Variants in DYSF observed in about 807,000 individuals in gnomAD.
The protein encoded by DYSF is dysferlin.
DYSF carries 212 observed loss-of-function variants against 274.9 expected under a neutral mutation model. The observed-to-expected ratio is 0.77, with a 90% CI of 0.69 to 0.86. The LOEUF (loss-of-function observed/expected upper bound fraction) is 0.86, where lower values mean the gene tolerates loss of function less well. DYSF is among the 40% of genes least tolerant of loss of function. The pLI is 0.00. For missense variants in DYSF, 2,666 were observed against 2,783.2 expected, an observed-to-expected ratio of 0.96 and a Z score of 0.95; for synonymous variants, 1,091 against 1,078.7, an observed-to-expected ratio of 1.01 and a Z score of -0.22.
chr2:71,600,503 A>G lies in DYSF; in HGVS notation c.3757-199A>G, dbSNP rs551147421. On this transcript the variant is annotated intron_variant, in intron 33 of 55. Coordinates refer to ENST00000410020, the MANE Select transcript of DYSF (RefSeq NM_001130987.2). ...ATGATGGGAATTCAAACCTAGTGAC[A>G]GTCACCACAGGCTGCTCACAGCTTG... is the stretch of plus-strand genomic sequence containing the variant. Among the ~76,000 whole-genome samples the G allele has an allele frequency of 3.3e-5, 5 of 152,356 alleles. No individual in the cohort carries two copies. In the East Asian group the frequency reaches 7.7e-4, roughly 24 times the overall value.
chr2:71,459,074 G>A (rs183281266), intron 1 of DYSF, among the ~76,000 whole-genome samples: 15 of 152,184 alleles, frequency 9.9e-5, no homozygotes, highest in Admixed American at 9.8e-4. Context: ...GATATCCGCC[G>A]GACACATATT....
chr2:71,550,390 A>T (rs2090846843), intron 17 of DYSF, among the ~76,000 whole-genome samples: 1 of 151,768 alleles, frequency 6.6e-6, no homozygotes, highest in Non-Finnish European at 1.5e-5. Context: ...CTGCTCTGTT[A>T]AAAAATTGTT....
intron 3 of DYSF, among the ~76,000 whole-genome samples, chr2:71,491,790 CG>C (rs2083877136): frequency 6.6e-6 from 1 of 152,170 alleles, no homozygotes; most frequent in Non-Finnish European, 1.5e-5. Context: ...ATATGTATCA[CG>C]TTTTCTTTAT....
chr2:71,561,411 C>A (rs910217795), intron 22 of DYSF, among the ~76,000 whole-genome samples: 4 of 152,260 alleles, frequency 2.6e-5, no homozygotes, highest in Admixed American at 1.3e-4. Context: ...CTGGGCCCTC[C>A]GAGAGCCTGT....
chr2:71,520,904 T>C lies in DYSF; in HGVS notation c.1149T>C (p.Pro383=). The C allele has an allele frequency of 6.2e-7, 1 of 1,613,932 alleles. No homozygotes were observed. The highest frequency in any genetic ancestry group is 1.3e-5 in the African/African-American group (1 of 75,042). ...LCVLGPGDEA[P]LERKDPSEDK... ...TGCTGGGGCCTGGGGACGAAGCGCC[T>C]GTGAGTACATTTCCCTGGGTCTTCC... The change falls in exon 12 of 56, where the codon CCT becomes CCC. Residue 383 remains proline, a splice_region_variant and synonymous_variant. Transcript: ENST00000410020.
At chr2:71,475,678 G>A (rs963685425) in intron 1 of DYSF, among the ~76,000 whole-genome samples, 1 of 152,134 alleles carries the variant, frequency 6.6e-6, no homozygotes, top group African/African-American at 2.4e-5. Flanking sequence ...GCACCTCAAC[G>A]TTCTATCTCG....
intron 42 of DYSF, among the ~76,000 whole-genome samples, chr2:71,647,853 G>A (rs1260935955): frequency 6.6e-6 from 1 of 152,228 alleles, no homozygotes; most frequent in African/African-American, 2.4e-5. Flanking sequence ...TCCTGAAAGT[G>A]AGGTTTCACC....
At chr2:71,610,707 A>G (rs1356508971) in intron 36 of DYSF, 1 of 189,328 alleles carries the variant, frequency 5.3e-6, no homozygotes. Flanking sequence ...TTCTGTCCTC[A>G]CAGGGGACAG....
rs560955002 is a variant in DYSF at position 71,670,802 on chromosome 2, C to T, written c.5784+1056C>T. On this transcript the variant is annotated intron_variant, in intron 51 of 55. Transcript: ENST00000410020. ...GAATGGGTGCTGAGGGCAGTGGAGA[C>T]TTCAGGGCTATGCTGGTTGGAGGCA... Among the ~76,000 whole-genome samples the T allele has an allele frequency of 1.7e-4, 26 of 152,328 alleles. No individual in the cohort carries two copies. The South Asian group carries it at 5.2e-3, about 30-fold the overall frequency.
At chr2:71,455,389 C>A (rs1341590092) in intron 1 of DYSF, among the ~76,000 whole-genome samples, 2 of 152,176 alleles carry the variant, frequency 1.3e-5, no homozygotes, top group Non-Finnish European at 1.5e-5. Context: ...GAGTGGGGAC[C>A]AAGGGGGTGG....
At chr2:71,470,690 A>G (rs1424698816) in intron 1 of DYSF, among the ~76,000 whole-genome samples, 4 of 148,840 alleles carry the variant, frequency 2.7e-5, no homozygotes, top group South Asian at 2.1e-4. Flanking sequence ...AAAAAAAAAA[A>G]AAAGAAAAGA....
At position 71,613,376 on chromosome 2, in the gene DYSF, A is replaced by G. The variant is rs61738567; in HGVS notation, c.4430A>G (p.Asp1477Gly). 1.4e-3 allele frequency: 2,198 copies of G among 1,613,582 alleles called. 27 individuals carry two copies. The African/African-American group carries it at 0.026, about 19-fold the overall frequency. The stretch of plus-strand genomic sequence containing the variant: ...AGTCCTGGGGAAGACGTGCTCATCG[A>G]CATTGATGACAAGGAGCCCCTCATC... ...LLSPGEDVLI[D>G]IDDKEPLIPI... The change falls in exon 40 of 56, where the codon GAC (aspartate) becomes GGC (glycine). Residue 1477 changes from aspartate (D) to glycine (G), a missense_variant. By Grantham distance (94) the Asp-to-Gly change is moderately conservative. Coordinates refer to ENST00000410020, the MANE Select transcript of DYSF (RefSeq NM_001130987.2).
intron 1 of DYSF, among the ~76,000 whole-genome samples, chr2:71,461,295 A>G (rs1467942185): frequency 3.3e-5 from 5 of 152,146 alleles, no homozygotes; most frequent in African/African-American, 1.2e-4. Flanking sequence ...ACCCGTCTAG[A>G]CCCCAGGATA....
Position 71,679,076 on chromosome 2 carries a change from C to T in DYSF, c.5904C>T (p.Leu1968=). The T allele has an allele frequency of 6.2e-7, 1 of 1,614,010 alleles. No homozygotes were observed. Among genetic ancestry groups the T allele is most frequent in the Non-Finnish European group, 8.5e-7 (1 of 1,179,910 alleles). The stretch of plus-strand genomic sequence containing the variant: ...TTGCAGGCTCCCTGCAGCTCGATCT[C>T]AACCGCATGCCCAAGCCAGCCAAGA... ...DDFLGSLQLD[L]NRMPKPAKTA... The change falls in exon 53 of 56, where the codon CTC becomes CTT. Residue 1968 remains leucine, a synonymous_variant. Coordinates refer to ENST00000410020, the MANE Select transcript of DYSF (RefSeq NM_001130987.2).
intron 4 of DYSF, among the ~76,000 whole-genome samples, chr2:71,507,614 C>T (rs187417142): frequency 2.6e-3 from 397 of 152,220 alleles, no homozygotes; most frequent in African/African-American, 9.2e-3. Flanking sequence ...CACGTGTGCG[C>T]GCACACACAC....
At chr2:71,581,228 C>T (rs2092885463) in intron 30 of DYSF, among the ~76,000 whole-genome samples, 1 of 152,242 alleles carries the variant, frequency 6.6e-6, no homozygotes, top group African/African-American at 2.4e-5. Context: ...ACGCTCGCGC[C>T]AGCCCACACG....
chr2:71,600,760 G>C lies in DYSF; in HGVS notation c.3815G>C (p.Arg1272Pro). ...CAACCGAGTCTGGAACGGATGCCAC[G>C]GCTGGCCTGGTTCCCACTGACGAGG... Reference protein sequence around the residue: ...ICQPSLERMPRLAWFPLTRGS... With the variant: ...ICQPSLERMPPLAWFPLTRGS... Residue 1272 changes from arginine (R) to proline (P), a missense_variant, in exon 34 of 56, where the codon CGG (arginine) becomes CCG (proline). Coordinates refer to ENST00000410020, the MANE Select transcript of DYSF (RefSeq NM_001130987.2). The C allele has an allele frequency of 6.2e-7, 1 of 1,613,806 alleles. No individual in the cohort carries two copies. The highest frequency in any genetic ancestry group is 1.1e-5 in the South Asian group (1 of 91,084).
chr2:71,526,287 T>A lies in DYSF; in HGVS notation c.1217T>A (p.Val406Glu). ...AGCAACCTGCTCCGGCCCACAGGCG[T>A]AGCCCTGCGAGGAGCCCACTTCTGC... is the stretch of plus-strand genomic sequence containing the variant. ...IESNLLRPTG[V>E]ALRGAHFCLK... The change falls in exon 13 of 56, where the codon GTA (valine) becomes GAA (glutamate). Residue 406 changes from valine (V) to glutamate (E), a missense_variant. By Grantham distance (121) the Val-to-Glu change is moderately radical. Around this residue, in one of 3 missense-constraint regions of DYSF, gnomAD observed 794 missense variants for 777.1 expected, o/e 1.02. Coordinates refer to ENST00000410020, the MANE Select transcript of DYSF (RefSeq NM_001130987.2). 2 of 1,614,232 alleles carry A rather than the reference T, an allele frequency of 1.2e-6. No homozygotes were observed. Among genetic ancestry groups the A allele is most frequent in the Non-Finnish European group, 1.7e-6 (2 of 1,180,044 alleles).
In DYSF at chr2:71,663,285, GAGCC is replaced by G. The variant is rs1261346361; in HGVS notation, c.5004-982_5004-979del. ...AGAGGTTCCTCAGAGAGCCCCCCGT[GAGCC>G]CTCCCACTGCACTTTCTGGGATATG... On this transcript the variant is annotated intron_variant, in intron 45 of 55. Coordinates refer to ENST00000410020, the MANE Select transcript of DYSF (RefSeq NM_001130987.2). Among the ~76,000 whole-genome samples, 16 of 152,326 alleles carry G rather than the reference GAGCC, an allele frequency of 1.1e-4. No homozygotes were observed. In the South Asian group the frequency reaches 3.3e-3, roughly 32 times the overall value.
Sources: allele counts gnomAD v4.1 joint callset (sites outside exome capture counted in the v4.1 genomes callset), GRCh38; gene constraint gnomAD v4.1.1; regional missense constraint gnomAD v4.1.1; transcripts MANE v1.5; gene names NCBI Gene and HGNC (gene_info 2026-07-23, HGNC 2026-07-21).